Variants in ARB2A observed in about 807,000 individuals in gnomAD.
ARB2A encodes the protein cotranscriptional regulator ARB2A.
chr5:93,635,599 C>T, the ARB2A span, among the ~76,000 whole-genome samples: 132 of 151,988 alleles, frequency 8.7e-4, 1 homozygote, highest in Non-Finnish European at 1.6e-3. Flanking sequence ...ACCACCACAC[C>T]TAGCTAATTT....
chr5:93,985,877 G>A, the ARB2A span, among the ~76,000 whole-genome samples: 1 of 152,084 alleles, frequency 6.6e-6, no homozygotes, highest in East Asian at 1.9e-4. Context: ...TCTCTGCCTG[G>A]CCGCCCATCA....
the ARB2A span, among the ~76,000 whole-genome samples, chr5:93,939,716 T>C: frequency 1.7e-3 from 265 of 152,240 alleles, 6 homozygotes; most frequent in Middle Eastern, 6.8e-3. Flanking sequence ...ATTAATTTTC[T>C]TCAGTGCTAT....
the ARB2A span, among the ~76,000 whole-genome samples, chr5:93,929,983 A>G: frequency 6.6e-6 from 1 of 152,166 alleles, no homozygotes; most frequent in Admixed American, 6.5e-5. Context: ...ATGACCAGAC[A>G]AGAAATGACA....
At chr5:93,722,154 C>T in the ARB2A span, among the ~76,000 whole-genome samples, 26 of 151,976 alleles carry the variant, frequency 1.7e-4, no homozygotes, top group African/African-American at 6.0e-4. Flanking sequence ...AACATGAAGG[C>T]GGAGGATTCA....
chr5:93,933,186 A>G, the ARB2A span, among the ~76,000 whole-genome samples: 1 of 152,200 alleles, frequency 6.6e-6, no homozygotes, highest in Non-Finnish European at 1.5e-5. Flanking sequence ...AAATAGGAAC[A>G]CTTTTAAACT....
the ARB2A span, among the ~76,000 whole-genome samples, chr5:93,721,628 C>G: frequency 1.3e-5 from 2 of 152,096 alleles, no homozygotes; most frequent in African/African-American, 2.4e-5. Context: ...AATTATATAG[C>G]TGTGTTTCCC....
the ARB2A span, among the ~76,000 whole-genome samples, chr5:94,067,825 A>G: frequency 1.3e-5 from 2 of 152,202 alleles, no homozygotes; most frequent in Admixed American, 6.5e-5. Flanking sequence ...AAAAAACACT[A>G]AATTCAAATG....
chr5:93,738,953 C>T, the ARB2A span: 2 of 152,090 alleles, frequency 1.3e-5, no homozygotes, highest in Non-Finnish European at 2.9e-5. Context: ...TTTTATCACA[C>T]ACACAAAAAT....
the ARB2A span, among the ~76,000 whole-genome samples, chr5:94,076,180 C>T: frequency 5.3e-5 from 8 of 152,024 alleles, no homozygotes; most frequent in South Asian, 2.1e-4. Flanking sequence ...TACGAAATGT[C>T]GCTTCAACAT....
At chr5:94,039,944 G>A in the ARB2A span, among the ~76,000 whole-genome samples, 1 of 152,084 alleles carries the variant, frequency 6.6e-6, no homozygotes, top group Admixed American at 6.5e-5. Flanking sequence ...GTAAGTGGTT[G>A]GGTACCCGAG....
the ARB2A span, among the ~76,000 whole-genome samples, chr5:93,867,608 G>A: frequency 6.6e-6 from 1 of 151,844 alleles, no homozygotes; most frequent in Non-Finnish European, 1.5e-5. Context: ...AGTAGAGACG[G>A]GGTTTCACCA....
the ARB2A span, among the ~76,000 whole-genome samples, chr5:93,749,313 C>T: frequency 3.3e-5 from 5 of 152,154 alleles, no homozygotes; most frequent in Admixed American, 6.5e-5. Flanking sequence ...TGATGTGCAT[C>T]TGTTATTCAC....
the ARB2A span, among the ~76,000 whole-genome samples, chr5:93,857,118 C>A: frequency 6.6e-6 from 1 of 152,154 alleles, no homozygotes; most frequent in Non-Finnish European, 1.5e-5. Context: ...ACCGCGAATG[C>A]TGCTGTCTGA....
chr5:94,067,349 G>A, the ARB2A span, among the ~76,000 whole-genome samples: 2 of 151,866 alleles, frequency 1.3e-5, no homozygotes, highest in Non-Finnish European at 2.9e-5. Context: ...AGAAAAATCA[G>A]GCAAGAGAAC....
the ARB2A span, among the ~76,000 whole-genome samples, chr5:93,826,364 T>G: frequency 5.3e-5 from 8 of 152,196 alleles, no homozygotes; most frequent in African/African-American, 1.9e-4. Flanking sequence ...GGTCCCCACA[T>G]GCATGGCATC....
chr5:93,624,199 G>A, the ARB2A span, among the ~76,000 whole-genome samples: 2 of 152,104 alleles, frequency 1.3e-5, no homozygotes, highest in African/African-American at 2.4e-5. Flanking sequence ...AGAAGTTTAG[G>A]TCAATCAAAA....
the ARB2A span, among the ~76,000 whole-genome samples, chr5:93,835,201 T>C: frequency 1.3e-5 from 2 of 152,226 alleles, no homozygotes; most frequent in Admixed American, 1.3e-4. Flanking sequence ...TTATCAACTA[T>C]GCCAGATTCT....
At chr5:94,062,637 G>A in the ARB2A span, among the ~76,000 whole-genome samples, 3 of 152,082 alleles carry the variant, frequency 2.0e-5, no homozygotes, top group African/African-American at 7.2e-5. Context: ...ACTGTGCAAT[G>A]CCATGGCTCT....
the ARB2A span, among the ~76,000 whole-genome samples, chr5:94,106,298 C>T: frequency 6.6e-6 from 1 of 151,394 alleles, no homozygotes; most frequent in African/African-American, 2.4e-5. Context: ...CAAAAAAACC[C>T]ATAAAAAATG....
Sources: allele counts gnomAD v4.1 joint callset (sites outside exome capture counted in the v4.1 genomes callset), GRCh38; gene constraint gnomAD v4.1.1; transcripts MANE v1.5; gene names NCBI Gene and HGNC (gene_info 2026-07-23, HGNC 2026-07-21).